The following SLC15A5 variants were observed in gnomAD, a reference collection of about 807,000 sequenced individuals.
SLC15A5 encodes the protein Peptide/histidine transporter ENSP00000340402.
In SLC15A5, 58 loss-of-function variants were observed where a neutral mutation model predicts 56.1. That is an observed-to-expected ratio of 1.03 (90% CI 0.84 to 1.29). SLC15A5 has a LOEUF of 1.29. Among genes scored for constraint, SLC15A5 ranks in the 50% most tolerant of loss-of-function variants. The probability of loss-of-function intolerance (pLI) is 0.00; values close to 1 mark genes in which losing one functional copy is unlikely to be tolerated. For synonymous variants in SLC15A5, 264 were observed against 250.5 expected (o/e 1.05, Z -0.51); for missense variants, 681 against 672.1 (o/e 1.01, Z -0.15).
intron 7 of SLC15A5, among the ~76,000 whole-genome samples, chr12:16,201,884 T>C (rs1268479402): frequency 6.6e-6 from 1 of 152,116 alleles, no homozygotes; most frequent in Admixed American, 6.6e-5. Context: ...CTTCAATAAA[T>C]GGTGCTGGGA....
chr12:16,266,672 A>T (rs984197859), intron 2 of SLC15A5, among the ~76,000 whole-genome samples: 1 of 152,208 alleles, frequency 6.6e-6, no homozygotes, highest in African/African-American at 2.4e-5. Context: ...AAAAAGAAAT[A>T]AAAACCCACA....
chr12:16,252,405 A>G (rs1047082323), intron 3 of SLC15A5, among the ~76,000 whole-genome samples: 5 of 152,092 alleles, frequency 3.3e-5, no homozygotes, highest in African/African-American at 4.8e-5. Context: ...TATATGTACC[A>G]AACACTAAGA....
rs1555173548 is a variant in SLC15A5 at position 16,259,897 on chromosome 12, C to CGGAG, written c.585-2028_585-2027insCTCC. Among the ~76,000 whole-genome samples the CGGAG allele has an allele frequency of 2.1e-5, 3 of 141,092 alleles. No homozygotes were observed. In the East Asian group the frequency reaches 6.4e-4, roughly 30 times the overall value. 92.6% of individuals were successfully genotyped at this position (141,092 alleles called of 152,430 possible). On this transcript the variant is annotated intron_variant, in intron 2 of 8. Coordinates refer to ENST00000344941, the MANE Select transcript of SLC15A5 (RefSeq NM_001170798.1). Reference sequence around the variant, plus strand: ...CTTGCTGTACCCAGCTGACACCACCCGGGCGGGGGGTAAGTTAGAGCACTT... The same window carrying CGGAG: ...CTTGCTGTACCCAGCTGACACCACCCGGAGGGGCGGGGGGTAAGTTAGAGCACTT...
In SLC15A5 at chr12:16,224,437, G is replaced by A. The variant is rs117586725; in HGVS notation, c.1328C>T (p.Ala443Val). 9.8e-6 allele frequency: 15 copies of A among 1,537,074 alleles called. No individual in the cohort carries two copies. The highest frequency in any genetic ancestry group is 4.9e-5 in the East Asian group (2 of 40,888). ...ACGGGCTGGGTTTACCAGTGTTTCC[G>A]CCACTCCAAGTAAAACATACTGAAG... is the stretch of plus-strand genomic sequence containing the variant. ...LILQYVLLGVAETLVNPALSV... is the reference protein window; with the variant it reads ...LILQYVLLGVVETLVNPALSV... The change falls in exon 6 of 9, where the codon GCG becomes GTG. Residue 443 changes from alanine (A) to valine (V), a missense_variant. Transcript: ENST00000344941.
At chr12:16,220,912 G>C (rs1179497260) in intron 6 of SLC15A5, among the ~76,000 whole-genome samples, 3 of 152,070 alleles carry the variant, frequency 2.0e-5, no homozygotes, top group Non-Finnish European at 4.4e-5. Context: ...AACAAACATA[G>C]GGTATGAGAC....
At chr12:16,193,565 T>C (rs1280684587) in intron 8 of SLC15A5, among the ~76,000 whole-genome samples, 1 of 151,836 alleles carries the variant, frequency 6.6e-6, no homozygotes, top group Non-Finnish European at 1.5e-5. Context: ...AATATATGAC[T>C]AAATGACTAA....
chr12:16,256,494 A>G (rs1745341720), intron 3 of SLC15A5, among the ~76,000 whole-genome samples: 1 of 152,214 alleles, frequency 6.6e-6, no homozygotes, highest in South Asian at 2.1e-4. Flanking sequence ...GGAAAGCACT[A>G]TGAGGATGCA....
intron 4 of SLC15A5, among the ~76,000 whole-genome samples, chr12:16,240,913 C>T (rs1380175835): frequency 2.0e-5 from 3 of 151,916 alleles, no homozygotes; most frequent in Admixed American, 6.6e-5. Context: ...CCCAGGTTCA[C>T]GCCATTCTCC....
At chr12:16,209,961 G>T (rs1864062747) in intron 7 of SLC15A5, among the ~76,000 whole-genome samples, 2 of 152,060 alleles carry the variant, frequency 1.3e-5, no homozygotes. Context: ...CATTCTTATA[G>T]CATTCAAGTA....
intron 8 of SLC15A5, among the ~76,000 whole-genome samples, chr12:16,191,783 C>T (rs1863840474): frequency 6.6e-6 from 1 of 152,098 alleles, no homozygotes; most frequent in Non-Finnish European, 1.5e-5. Flanking sequence ...CCCAAGGCAG[C>T]ATGTGCTTTG....
intron 5 of SLC15A5, among the ~76,000 whole-genome samples, chr12:16,226,364 T>C (rs1864241551): frequency 1.3e-5 from 2 of 152,190 alleles, no homozygotes; most frequent in African/African-American, 4.8e-5. Flanking sequence ...CTTGAATTAG[T>C]AGCAATTATT....
chr12:16,245,814 A>G (rs546328633), intron 3 of SLC15A5, among the ~76,000 whole-genome samples: 1 of 152,330 alleles, frequency 6.6e-6, no homozygotes, highest in Admixed American at 6.5e-5. Context: ...AGTTTCCTAT[A>G]ATAAAATTCT....
chr12:16,251,292 A>G (rs1459578657), intron 3 of SLC15A5, among the ~76,000 whole-genome samples: 1 of 151,950 alleles, frequency 6.6e-6, no homozygotes, highest in African/African-American at 2.4e-5. Flanking sequence ...AACTAGAGAA[A>G]GAACAAACAA....
Position 16,194,471 on chromosome 12 carries a change from A to T in SLC15A5, c.1484-18T>A. 6.8e-7 allele frequency: 1 copy of T among 1,469,382 alleles called. No homozygotes were observed. Among genetic ancestry groups the T allele is most frequent in the Non-Finnish European group, 9.2e-7 (1 of 1,086,916 alleles). The allele number at this position is 1,469,382 out of a possible 1,614,324, so 91.0% of individuals were successfully genotyped here. A position where few individuals can be genotyped will look rare whatever the true frequency, so the allele number is the denominator to read the frequency against. ...CCAATTGCCTGTTTGGAACAAATGT[A>T]ATTGTTATTCAACTGCAGAGTTGTA... On this transcript the variant is annotated intron_variant, in intron 7 of 8. Coordinates refer to ENST00000344941, the MANE Select transcript of SLC15A5 (RefSeq NM_001170798.1).
intron 7 of SLC15A5, among the ~76,000 whole-genome samples, chr12:16,211,334 T>C (rs1864078298): frequency 6.6e-6 from 1 of 152,182 alleles, no homozygotes; most frequent in Non-Finnish European, 1.5e-5. Flanking sequence ...TCAAAAATCA[T>C]AGATATTTAA....
chr12:16,216,546 T>C (rs1263347485), intron 7 of SLC15A5, among the ~76,000 whole-genome samples: 1 of 152,148 alleles, frequency 6.6e-6, no homozygotes, highest in African/African-American at 2.4e-5. Context: ...ATCCCCTATA[T>C]TTACACAGGT....
At chr12:16,224,342 T>C in intron 6 of SLC15A5, 72 bp downstream of exon 6, 2 of 1,384,210 alleles carry the variant, frequency 1.4e-6, no homozygotes, top group South Asian at 3.0e-5. Context: ...CTTTAATTGT[T>C]CTGGTTGAGG....
intron 3 of SLC15A5, among the ~76,000 whole-genome samples, chr12:16,249,998 G>T (rs903754241): frequency 6.6e-6 from 1 of 151,926 alleles, no homozygotes; most frequent in Non-Finnish European, 1.5e-5. Flanking sequence ...TGGTCCACAG[G>T]CCACAGAGCT....
At position 16,269,898 on chromosome 12, in the gene SLC15A5, T is replaced by C. The variant is rs922477783; in HGVS notation, c.584+2663A>G. Among the ~76,000 whole-genome samples, 7 of 152,190 alleles carry C rather than the reference T, an allele frequency of 4.6e-5. No homozygotes were observed. Among genetic ancestry groups the C allele is most frequent in the Admixed American group, 1.3e-4 (2 of 15,258 alleles). On this transcript the variant is annotated intron_variant, in intron 2 of 8. Transcript: ENST00000344941. The surrounding 1 kb of genome is among the most constrained non-coding windows in gnomAD (Gnocchi z 4.7). ...CAGGAACAGACTTCATTATCCTCCT[T>C]CTTTTTGCTTCCAGAAAAGAATCTG... is the stretch of plus-strand genomic sequence containing the variant.
Sources: gnomAD v4.1 joint callset for allele counts (sites outside exome capture counted in the v4.1 genomes callset) on GRCh38, gnomAD v4.1.1 for gene constraint, Gnocchi (gnomAD v3.1) non-coding constraint, MANE v1.5 for transcripts, NCBI Gene and HGNC (gene_info 2026-07-23, HGNC 2026-07-21) for gene names.